The following GBE1 variants were observed in gnomAD, a reference collection of about 807,000 sequenced individuals.
GBE1 encodes the protein 1,4-alpha-glucan branching enzyme 1.
Under a neutral mutation model 88.8 loss-of-function variants are expected in GBE1, and 70 were observed. The observed-to-expected ratio is 0.79, with a 90% CI of 0.65 to 0.96. The LOEUF is 0.96. Among genes scored for constraint, GBE1 ranks in the 40% least tolerant of loss-of-function variants. GBE1 has a pLI of 0.00. For synonymous variants in GBE1, 284 were observed against 300.1 expected, an observed-to-expected ratio of 0.95 and a Z score of 0.56; for missense variants, 872 against 871.0, an observed-to-expected ratio of 1.00 and a Z score of -0.01.
intron 14 of GBE1, among the ~76,000 whole-genome samples, chr3:81,527,931 G>A (rs531944581): frequency 2.2e-4 from 33 of 151,938 alleles, no homozygotes; most frequent in Admixed American, 7.2e-4. Context: ...TGTTTATTGC[G>A]GCACTATTCA....
chr3:81,600,893 AAATG>A (rs1704024161), intron 7 of GBE1, among the ~76,000 whole-genome samples: 1 of 151,952 alleles, frequency 6.6e-6, no homozygotes, highest in South Asian at 2.1e-4. Context: ...GTTCTTCAAA[AAATG>A]AATGGTGTGT....
chr3:81,713,116 A>G (rs564119722), intron 1 of GBE1, among the ~76,000 whole-genome samples: 3 of 152,352 alleles, frequency 2.0e-5, no homozygotes, highest in Middle Eastern at 3.4e-3. Flanking sequence ...GCAATGGGAA[A>G]CAATGTCCAA....
chr3:81,690,703 T>G (rs762983672), intron 2 of GBE1, among the ~76,000 whole-genome samples: 33 of 152,214 alleles, frequency 2.2e-4, no homozygotes, highest in Non-Finnish European at 4.4e-4. Context: ...TCCTCTTTTT[T>G]GCTGTTGTTG....
intron 12 of GBE1, among the ~76,000 whole-genome samples, chr3:81,541,916 TTTTA>T (rs1703147036): frequency 6.6e-6 from 1 of 152,082 alleles, no homozygotes; most frequent in Admixed American, 6.6e-5. Context: ...TATTACAATG[TTTTA>T]TTTTTATTTT....
chr3:81,536,845 T>C, intron 13 of GBE1, 66 bp downstream of exon 13: 13 of 1,189,748 alleles, frequency 1.1e-5, no homozygotes, highest in Non-Finnish European at 1.5e-5. Flanking sequence ...AGATTTAAAT[T>C]GGTTGCCATT....
chr3:81,750,609 ATATATATG>A lies in GBE1; in HGVS notation c.143+10758_143+10765del, dbSNP rs1559708667. The stretch of plus-strand genomic sequence containing the variant: ...TATACGTATATATATATGTGTATAT[ATATATATG>A]TATATATATATACGTATATATATAT... On this transcript the variant is annotated intron_variant, in intron 1 of 15. Transcript: ENST00000429644. Among the ~76,000 whole-genome samples, 121 of 73,714 alleles carry A rather than the reference ATATATATG, an allele frequency of 1.6e-3. 16 individuals are homozygous for A. The highest frequency in any genetic ancestry group is 8.0e-3 in the African/African-American group (100 of 12,466). 48.4% of individuals were successfully genotyped at this position (73,714 alleles called of 152,430 possible).
At chr3:81,690,838 T>A (rs1705509443) in intron 2 of GBE1, among the ~76,000 whole-genome samples, 1 of 152,296 alleles carries the variant, frequency 6.6e-6, no homozygotes, top group African/African-American at 2.4e-5. Flanking sequence ...TGATTCCCTT[T>A]ATTGTCTTGC....
intron 1 of GBE1, among the ~76,000 whole-genome samples, chr3:81,755,967 T>C (rs981523394): frequency 2.0e-5 from 3 of 152,136 alleles, no homozygotes; most frequent in African/African-American, 7.2e-5. Flanking sequence ...GAGTGGTTGC[T>C]AACGTACCAA....
Position 81,586,209 on chromosome 3 carries a change from G to A in GBE1, c.1237-19C>T. 1.4e-6 allele frequency: 2 copies of A among 1,465,700 alleles called. No individual in the cohort carries two copies. Among genetic ancestry groups the A allele is most frequent in the Non-Finnish European group, 1.9e-6 (2 of 1,064,338 alleles). The allele number at this position is 1,465,700 out of a possible 1,614,324, so 90.8% of individuals were successfully genotyped here. A position where few individuals can be genotyped will look rare whatever the true frequency, so the allele number is the denominator to read the frequency against. The stretch of plus-strand genomic sequence containing the variant: ...ATACATCCTACAACAAAGAACGTCG[G>A]TTCATAATGATCAAACTTTTAGTAA... On this transcript the variant is annotated intron_variant, in intron 9 of 15. Transcript: ENST00000429644.
In GBE1 at chr3:81,537,081, G is replaced by A. The variant is rs1559637866; in HGVS notation, c.1633C>T (p.His545Tyr). The change falls in exon 13 of 16, where the codon CAT (histidine) becomes TAT (tyrosine). Residue 545 changes from histidine (H) to tyrosine (Y), a missense_variant. His to Tyr is a moderately conservative substitution (Grantham distance 83). Transcript: ENST00000429644. ...CTTGGGAAGTCTAACCATTCAGGAT[G>A]CCCAAATTCATTACCTGCATTACAA... The part of the protein sequence containing the change: ...YLNFMGNEFG[H>Y]PEWLDFPRKG... 1.3e-6 allele frequency: 2 copies of A among 1,531,646 alleles called. No individual in the cohort carries two copies. Among genetic ancestry groups the A allele is most frequent in the Non-Finnish European group, 1.7e-6 (2 of 1,145,632 alleles). The allele number at this position is 1,531,646 out of a possible 1,614,324, so 94.9% of individuals were successfully genotyped here.
intron 4 of GBE1, 117 bp from the exon 5 acceptor site, chr3:81,649,108 A>T (rs1464026124): frequency 8.8e-6 from 6 of 679,598 alleles, no homozygotes; most frequent in Non-Finnish European, 9.3e-6. Flanking sequence ...CTATTCTCAC[A>T]TATAAAAGGC....
At chr3:81,741,499 T>C (rs897899154) in intron 1 of GBE1, among the ~76,000 whole-genome samples, 1 of 152,056 alleles carries the variant, frequency 6.6e-6, no homozygotes, top group Non-Finnish European at 1.5e-5. Context: ...AAATCTAAAA[T>C]GCAAACTATA....
chr3:81,631,824 T>C (rs887603812), intron 7 of GBE1, among the ~76,000 whole-genome samples: 1 of 152,164 alleles, frequency 6.6e-6, no homozygotes, highest in African/African-American at 2.4e-5. Context: ...TTTATTATAC[T>C]TTAAGTTCTG....
In GBE1 at chr3:81,761,633, T is replaced by TCGAGGCAAGCCGAGGCAAGC. The variant is rs533630216; in HGVS notation, c.-117_-116insGCTTGCCTCGGCTTGCCTCG. The TCGAGGCAAGCCGAGGCAAGC allele has an allele frequency of 7.5e-7, 1 of 1,341,646 alleles. No homozygotes were observed. The highest frequency in any genetic ancestry group is 1.5e-5 in the African/African-American group (1 of 66,182). 83.1% of individuals were successfully genotyped at this position (1,341,646 alleles called of 1,614,324 possible). ...CGGAGCCGGAGGGCGCCTAGGCGTG[T>TCGAGGCAAGCCGAGGCAAGC]CGAGGCAAGCCGAGGCGAGCCGCGG... On this transcript the variant is annotated 5_prime_UTR_variant, in exon 1 of 16. Transcript: ENST00000429644.
intron 7 of GBE1, among the ~76,000 whole-genome samples, chr3:81,598,960 C>A (rs1437428438): frequency 6.6e-6 from 1 of 152,022 alleles, no homozygotes; most frequent in African/African-American, 2.4e-5. Context: ...ATTATATCCA[C>A]TGAGCTCCAG....
intron 13 of GBE1, among the ~76,000 whole-genome samples, chr3:81,535,691 C>T (rs1453162683): frequency 6.6e-6 from 1 of 151,984 alleles, no homozygotes; most frequent in Non-Finnish European, 1.5e-5. Context: ...TAGTCTCCAG[C>T]TTAATGCGGT....
chr3:81,697,369 G>C (rs960921684), intron 2 of GBE1, among the ~76,000 whole-genome samples: 2 of 148,172 alleles, frequency 1.3e-5, no homozygotes, highest in Non-Finnish European at 3.0e-5. Context: ...GTGTGATCTC[G>C]GCTCACTGCA....
chr3:81,639,508 C>A lies in GBE1; in HGVS notation c.992+3273G>T, dbSNP rs1576181010. On this transcript the variant is annotated intron_variant, in intron 7 of 15. Transcript: ENST00000429644. ...GTGTGTGGTTAAAATTACTTAACGCCCCTTCGAAGGGAGGGGCGTTAAGGA... is the reference window on the plus strand; with the variant it reads ...GTGTGTGGTTAAAATTACTTAACGCACCTTCGAAGGGAGGGGCGTTAAGGA... 4.0e-5 allele frequency among the ~76,000 whole-genome samples: 6 copies of A among 151,706 alleles called. No homozygotes were observed. The East Asian group carries it at 9.7e-4, about 25-fold the overall frequency.
intron 7 of GBE1, among the ~76,000 whole-genome samples, chr3:81,619,164 TAAC>T (rs1463772737): frequency 8.2e-6 from 1 of 121,344 alleles, no homozygotes; most frequent in Non-Finnish European, 1.7e-5. Context: ...AAAAGAAGAA[TAAC>T]AACGATATTC....
Sources: allele counts gnomAD v4.1 joint callset (sites outside exome capture counted in the v4.1 genomes callset), GRCh38; gene constraint gnomAD v4.1.1; transcripts MANE v1.5; gene names NCBI Gene and HGNC (gene_info 2026-07-23, HGNC 2026-07-21).